Variants in TTC27 observed in about 807,000 individuals in gnomAD.
TTC27 encodes the protein tetratricopeptide repeat protein 27.
In TTC27, 79 loss-of-function variants were observed where a neutral mutation model predicts 115.9. That is an observed-to-expected ratio of 0.68 (90% CI 0.57 to 0.82). The LOEUF (loss-of-function observed/expected upper bound fraction) is 0.82. Ranked by LOEUF, TTC27 falls within the 40% of genes least tolerant of loss-of-function variation. The pLI is 0.00. For synonymous variants in TTC27, 401 were observed against 356.0 expected, an observed-to-expected ratio of 1.13 and a Z score of -1.42; for missense variants, 1,054 against 993.1, an observed-to-expected ratio of 1.06 and a Z score of -0.82.
chr2:32,707,255 T>A (rs1330676787), intron 10 of TTC27, among the ~76,000 whole-genome samples: 2 of 152,170 alleles, frequency 1.3e-5, no homozygotes, highest in Non-Finnish European at 2.9e-5. Context: ...CCCAAGAGCA[T>A]GGTGTCAGGA....
chr2:32,630,597 A>G lies in TTC27; in HGVS notation c.163A>G (p.Ile55Val). The change falls in exon 2 of 20, where the codon ATT (isoleucine) becomes GTT (valine). Residue 55 changes from isoleucine (I) to valine (V), a missense_variant. Transcript: ENST00000317907. ...ATTCTTAAATTCAATGACTCAAAAT[A>G]TTTTTAATTCAACAACAACCGCTGA... ...AIFLNSMTQNIFNSTTTAEEK... is the reference protein window; with the variant it reads ...AIFLNSMTQNVFNSTTTAEEK... 2 of 1,613,698 alleles carry G rather than the reference A, an allele frequency of 1.2e-6. No homozygotes were observed. The highest frequency in any genetic ancestry group is 1.7e-6 in the Non-Finnish European group (2 of 1,179,818).
intron 16 of TTC27, among the ~76,000 whole-genome samples, chr2:32,791,811 G>T (rs556785323): frequency 2.6e-4 from 39 of 152,180 alleles, no homozygotes; most frequent in African/African-American, 9.2e-4. Flanking sequence ...GGAGTTTGAG[G>T]TTTCAGTGAG....
intron 16 of TTC27, among the ~76,000 whole-genome samples, chr2:32,802,318 AAAGTTACCTAGTTTTTAAAAGTTTTT>A (rs1297700916): frequency 1.3e-5 from 2 of 152,172 alleles, no homozygotes; most frequent in Admixed American, 6.5e-5. Context: ...TAACTTTTTA[AAAGTTACCTAGTTTTTAAAAGTTTTT>A]AAGTTACCTA....
intron 5 of TTC27, among the ~76,000 whole-genome samples, chr2:32,656,569 G>A (rs1003408937): frequency 1.3e-5 from 2 of 152,150 alleles, no homozygotes; most frequent in Admixed American, 6.6e-5. Context: ...AGATCACGAG[G>A]ATGCTGGATT....
intron 9 of TTC27, among the ~76,000 whole-genome samples, chr2:32,682,841 A>ATTTTTTTTTTTTTTTT (rs1559204114): frequency 7.7e-5 from 6 of 77,480 alleles, no homozygotes; most frequent in Non-Finnish European, 6.7e-5. Flanking sequence ...GATAATTTTT[A>ATTTTTTTTTTTTTTTT]TTGTTGTTTT....
chr2:32,751,295 C>CACACAT (rs1669003974), intron 12 of TTC27, among the ~76,000 whole-genome samples: 1 of 150,424 alleles, frequency 6.6e-6, no homozygotes, highest in African/African-American at 2.4e-5. Flanking sequence ...CACACACACA[C>CACACAT]ACACACATGC....
chr2:32,775,693 A>C (rs2148011165), intron 13 of TTC27, among the ~76,000 whole-genome samples: 1 of 152,294 alleles, frequency 6.6e-6, no homozygotes, highest in Middle Eastern at 3.4e-3. Context: ...CATCGGTTGT[A>C]AGAAGTACCT....
At chr2:32,733,525 G>T (rs908173105) in intron 10 of TTC27, among the ~76,000 whole-genome samples, 2 of 152,182 alleles carry the variant, frequency 1.3e-5, no homozygotes, top group African/African-American at 4.8e-5. Context: ...CTAAAGAACA[G>T]TTCTTCATAG....
intron 10 of TTC27, among the ~76,000 whole-genome samples, chr2:32,708,502 C>A (rs1334801428): frequency 6.6e-6 from 1 of 151,238 alleles, no homozygotes; most frequent in Non-Finnish European, 1.5e-5. Flanking sequence ...AGTAGAGACA[C>A]ATTTACCATA....
At chr2:32,680,057 C>T (rs577347967) in intron 9 of TTC27, among the ~76,000 whole-genome samples, 82 of 152,230 alleles carry the variant, frequency 5.4e-4, no homozygotes, top group African/African-American at 1.9e-3. Context: ...AAATTTTTCA[C>T]GTTACTATTT....
intron 10 of TTC27, among the ~76,000 whole-genome samples, chr2:32,715,505 G>A (rs945878177): frequency 1.3e-5 from 2 of 152,100 alleles, no homozygotes; most frequent in African/African-American, 2.4e-5. Context: ...GTATGATAAT[G>A]TGATTCCTCC....
intron 10 of TTC27, among the ~76,000 whole-genome samples, chr2:32,730,747 A>T (rs950182784): frequency 6.7e-6 from 1 of 150,004 alleles, no homozygotes; most frequent in Non-Finnish European, 1.5e-5. Flanking sequence ...TCAGCCTCCC[A>T]AGTAGCTGGG....
At chr2:32,778,099 G>T in intron 14 of TTC27, 119 bp downstream of exon 14, 10 of 853,224 alleles carry the variant, frequency 1.2e-5, no homozygotes, top group African/African-American at 1.7e-5. Context: ...ACATTTGAGG[G>T]AAGGTCGTAC....
chr2:32,631,302 C>CA lies in TTC27; in HGVS notation c.266+611dup, dbSNP rs978993059. 6.7e-5 allele frequency among the ~76,000 whole-genome samples: 10 copies of CA among 148,500 alleles called. No homozygotes were observed. In the South Asian group the frequency reaches 1.1e-3, roughly 16 times the overall value. On this transcript the variant is annotated intron_variant, in intron 2 of 19. Coordinates refer to ENST00000317907, the MANE Select transcript of TTC27 (RefSeq NM_017735.5). ...TGGGCGACAGAGCGAGACTCTGTCT[C>CA]AAAAAAAAACCAAAAAACAAAAAAC...
chr2:32,628,512 G>C, intron 1 of TTC27, 132 bp downstream of exon 1: 1 of 938,972 alleles, frequency 1.1e-6, no homozygotes, highest in South Asian at 2.0e-5. Context: ...GCTTTGGGTC[G>C]TTTAGTCTTT....
intron 10 of TTC27, among the ~76,000 whole-genome samples, chr2:32,714,461 C>G (rs928982315): frequency 6.6e-6 from 1 of 151,998 alleles, no homozygotes; most frequent in Non-Finnish European, 1.5e-5. Context: ...CCTGGCCAGG[C>G]CTACCCCATT....
chr2:32,784,066 C>T (rs766705688), intron 15 of TTC27, among the ~76,000 whole-genome samples: 4 of 152,282 alleles, frequency 2.6e-5, no homozygotes, highest in South Asian at 2.1e-4. Context: ...TGCTAAAACT[C>T]TCTGGAGACC....
intron 9 of TTC27, among the ~76,000 whole-genome samples, chr2:32,679,533 G>A (rs1394187813): frequency 6.6e-6 from 1 of 152,182 alleles, no homozygotes; most frequent in Admixed American, 6.5e-5. Flanking sequence ...TATGGAGAAA[G>A]GAAGATACAT....
intron 13 of TTC27, among the ~76,000 whole-genome samples, 153 bp downstream of exon 13, chr2:32,758,672 G>C (rs1558328825): frequency 6.6e-6 from 1 of 152,058 alleles, no homozygotes; most frequent in Non-Finnish European, 1.5e-5. Context: ...TTTGCTTGTT[G>C]CAAACTTGCT....
Sources: gnomAD v4.1 joint callset for allele counts (sites outside exome capture counted in the v4.1 genomes callset) on GRCh38, gnomAD v4.1.1 for gene constraint, MANE v1.5 for transcripts, NCBI Gene and HGNC (gene_info 2026-07-23, HGNC 2026-07-21) for gene names.